Variants in MGST1 observed in about 807,000 individuals in gnomAD.
MGST1 encodes glutathione S-transferase 12.
Under a neutral mutation model 8.9 loss-of-function variants are expected in MGST1, and 5 were observed. That is an observed-to-expected ratio of 0.56 (90% CI 0.29 to 1.19). The LOEUF is 1.19. Among genes scored for constraint, MGST1 ranks in the 50% most tolerant of loss-of-function variants. The pLI, the probability that MGST1 is intolerant of heterozygous loss-of-function variation, is 0.08. For synonymous variants in MGST1, 54 were observed against 67.8 expected (o/e 0.80, Z 1.00); for missense variants, 182 against 187.4 (o/e 0.97, Z 0.17).
At chr12:16,465,493 C>T (rs1941247409) in intron 4 of MGST1, among the ~76,000 whole-genome samples, 1 of 151,906 alleles carries the variant, frequency 6.6e-6, no homozygotes, top group African/African-American at 2.4e-5. Flanking sequence ...GCCGCCTGAG[C>T]TCCGCCTCCT....
chr12:16,414,955 C>T (rs1269864163), intron 1 of MGST1, among the ~76,000 whole-genome samples: 2 of 152,006 alleles, frequency 1.3e-5, no homozygotes, highest in African/African-American at 4.8e-5. Context: ...ACCTAGGAGG[C>T]GGAGGTTGCA....
At chr12:16,397,707 A>T (rs764466543) in intron 1 of MGST1, among the ~76,000 whole-genome samples, 85 of 151,970 alleles carry the variant, frequency 5.6e-4, no homozygotes, top group Middle Eastern at 3.4e-3. Flanking sequence ...AATGATCAGT[A>T]ATGATCAGGG....
intron 4 of MGST1, among the ~76,000 whole-genome samples, chr12:16,571,650 G>T (rs1238648733): frequency 6.6e-6 from 1 of 151,954 alleles, no homozygotes; most frequent in Non-Finnish European, 1.5e-5. Context: ...AGAGCAATGA[G>T]AACTCAAAGG....
chr12:16,425,070 A>G (rs1940874072), intron 1 of MGST1, among the ~76,000 whole-genome samples: 1 of 152,112 alleles, frequency 6.6e-6, no homozygotes, highest in Admixed American at 6.5e-5. Flanking sequence ...TTGCCCTAAC[A>G]CTGAATCAAT....
intron 1 of MGST1, among the ~76,000 whole-genome samples, chr12:16,414,071 A>T (rs7136343): frequency 0.28 from 42,152 of 151,598 alleles, 8,726 homozygotes; most frequent in African/African-American, 0.57. Context: ...ACAAAAAAAA[A>T]AATAATAATA....
intron 4 of MGST1, among the ~76,000 whole-genome samples, chr12:16,492,655 T>C (rs1307571548): frequency 2.6e-5 from 4 of 152,194 alleles, no homozygotes; most frequent in African/African-American, 7.2e-5. Context: ...GAGACTGCTA[T>C]CTGTTCAAAA....
At chr12:16,461,385 G>A (rs1387340004) in intron 4 of MGST1, among the ~76,000 whole-genome samples, 1 of 152,024 alleles carries the variant, frequency 6.6e-6, no homozygotes, top group Non-Finnish European at 1.5e-5. Context: ...ACTCACTAAG[G>A]TACATCATTC....
At chr12:16,406,635 T>G (rs1940699727) in intron 1 of MGST1, among the ~76,000 whole-genome samples, 1 of 152,162 alleles carries the variant, frequency 6.6e-6, no homozygotes, top group Admixed American at 6.6e-5. Context: ...GCTGGAGGCA[T>G]CATACTACTG....
At chr12:16,508,032 A>T (rs976662030) in intron 4 of MGST1, among the ~76,000 whole-genome samples, 13 of 152,090 alleles carry the variant, frequency 8.5e-5, no homozygotes, top group Admixed American at 2.6e-4. Flanking sequence ...GTGTATGCAC[A>T]TGTGTGTATT....
chr12:16,579,047 C>T (rs949130038), intron 4 of MGST1, among the ~76,000 whole-genome samples: 2 of 152,064 alleles, frequency 1.3e-5, no homozygotes, highest in Non-Finnish European at 2.9e-5. Flanking sequence ...AAATAGGTGA[C>T]CTTTTCCAAC....
At chr12:16,533,583 A>T (rs1423344240) in intron 4 of MGST1, among the ~76,000 whole-genome samples, 4 of 152,148 alleles carry the variant, frequency 2.6e-5, no homozygotes, top group Non-Finnish European at 4.4e-5. Context: ...TGGAGATTCC[A>T]GGATTGTGTT....
chr12:16,492,753 A>G (rs1941447921), intron 4 of MGST1, among the ~76,000 whole-genome samples: 1 of 152,202 alleles, frequency 6.6e-6, no homozygotes, highest in African/African-American at 2.4e-5. Context: ...TATGCCAACT[A>G]GGTCCCAAGG....
chr12:16,591,787 G>A (rs990408064), downstream of MGST1, among the ~76,000 whole-genome samples: 10 of 152,006 alleles, frequency 6.6e-5, no homozygotes, highest in Admixed American at 1.3e-4. The surrounding 1 kb of genome is among the most constrained non-coding windows in gnomAD (Gnocchi z 4.1). Context: ...AATATAACCC[G>A]TGAAGCTCAA....
At chr12:16,551,375 G>A (rs1481948238) in intron 4 of MGST1, 4 of 1,101,782 alleles carry the variant, frequency 3.6e-6, no homozygotes, top group Admixed American at 1.8e-5. Flanking sequence ...ATTTCACTTG[G>A]ATCTAGAAAT....
chr12:16,442,181 GC>G (rs1941044478), downstream of MGST1, among the ~76,000 whole-genome samples: 1 of 151,618 alleles, frequency 6.6e-6, no homozygotes, highest in Non-Finnish European at 1.5e-5. This position sits in a 1 kb window ranked among gnomAD's most constrained non-coding sequence, Gnocchi z 4.5. Flanking sequence ...TCATTGTTGA[GC>G]TTTAAGTTTT....
chr12:16,480,073 C>T (rs998316240), intron 4 of MGST1, among the ~76,000 whole-genome samples: 1 of 150,530 alleles, frequency 6.6e-6, no homozygotes, highest in Non-Finnish European at 1.5e-5. Flanking sequence ...TTGGATAATA[C>T]ACAAAAAGCA....
rs368914137 is a variant in MGST1 at position 16,357,632 on chromosome 12, G to T, written c.154G>T (p.Ala52Ser). The change falls in exon 3 of 4, where the codon GCA becomes TCA. Residue 52 changes from alanine to serine, a missense_variant. Transcript: ENST00000396210. ...KVFANPEDCV[A>S]FGKGENAKKY... Reference sequence around the variant, plus strand: ...TTTTGCCAATCCAGAAGACTGTGTAGCATTTGGCAAAGGAGAAAATGCCAA... The same window carrying T: ...TTTTGCCAATCCAGAAGACTGTGTATCATTTGGCAAAGGAGAAAATGCCAA... 6.2e-7 allele frequency: 1 copy of T among 1,613,836 alleles called. No individual in the cohort carries two copies. Among genetic ancestry groups the T allele is most frequent in the Non-Finnish European group, 8.5e-7 (1 of 1,179,878 alleles).
chr12:16,553,682 G>A (rs190899923), intron 4 of MGST1, among the ~76,000 whole-genome samples: 5 of 152,130 alleles, frequency 3.3e-5, no homozygotes, highest in Non-Finnish European at 2.9e-5. Flanking sequence ...AGCAGATTAC[G>A]ACTGGTATGC....
Position 16,576,730 on chromosome 12 carries a change from T to A in MGST1, n.483-12798T>A, listed in dbSNP as rs1016217490. Reference sequence around the variant, plus strand: ...GATATATAAATGGAAATTAACATTCTTGCATTGTCCAACTATATAGACTGC... The same window carrying A: ...GATATATAAATGGAAATTAACATTCATGCATTGTCCAACTATATAGACTGC... On this transcript the variant is annotated intron_variant and non_coding_transcript_variant, in intron 4 of 4. Transcript: ENST00000538857. This position sits in a 1 kb window ranked among gnomAD's most constrained non-coding sequence, Gnocchi z 4.1. Among the ~76,000 whole-genome samples, 1 of 152,230 alleles carries A rather than the reference T, an allele frequency of 6.6e-6. No individual in the cohort carries two copies. Among genetic ancestry groups the A allele is most frequent in the African/African-American group, 2.4e-5 (1 of 41,466 alleles).
Sources: allele counts gnomAD v4.1 joint callset (sites outside exome capture counted in the v4.1 genomes callset), GRCh38; gene constraint gnomAD v4.1.1; non-coding constraint Gnocchi (gnomAD v3.1); transcripts MANE v1.5; gene names NCBI Gene and HGNC (gene_info 2026-07-23, HGNC 2026-07-21).